The following PHF24 variants were observed in gnomAD, a reference collection of about 807,000 sequenced individuals.
PHF24 encodes the protein Galpha inhibitory interacting protein.
Under a neutral mutation model 42.6 loss-of-function variants are expected in PHF24, and 25 were observed. That is an observed-to-expected ratio of 0.59 (90% CI 0.43 to 0.82). The LOEUF (loss-of-function observed/expected upper bound fraction) is 0.82. PHF24 is among the 40% of genes least tolerant of loss of function. The pLI is 0.00. For synonymous variants in PHF24, 185 were observed against 204.8 expected (o/e 0.90, Z 0.83); for missense variants, 470 against 538.1 (o/e 0.87, Z 1.25).
the PHF24 span, among the ~76,000 whole-genome samples, chr9:34,788,358 T>C: frequency 6.6e-6 from 1 of 152,108 alleles, no homozygotes; most frequent in Non-Finnish European, 1.5e-5. Flanking sequence ...TAACTGTTTT[T>C]AACATTTGCA....
At chr9:34,955,625 C>A (rs879642240), upstream of PHF24, among the ~76,000 whole-genome samples, 1 of 152,116 alleles carries the variant, frequency 6.6e-6, no homozygotes, top group Non-Finnish European at 1.5e-5. Flanking sequence ...TGCAGTGAGC[C>A]GAGATCAAGC....
chr9:34,803,137 G>A, the PHF24 span, among the ~76,000 whole-genome samples: 87 of 152,204 alleles, frequency 5.7e-4, no homozygotes, highest in South Asian at 1.9e-3. Flanking sequence ...TCCAGGCTAC[G>A]AGGCCCCTGG....
chr9:34,716,903 C>T, the PHF24 span, among the ~76,000 whole-genome samples: 1 of 152,148 alleles, frequency 6.6e-6, no homozygotes, highest in African/African-American at 2.4e-5. Flanking sequence ...GTCACTGCAC[C>T]CGGCCTGGTT....
the PHF24 span, among the ~76,000 whole-genome samples, chr9:34,742,379 C>A: frequency 1.3e-5 from 2 of 152,020 alleles, no homozygotes; most frequent in African/African-American, 4.8e-5. Flanking sequence ...GGACTCTGAC[C>A]GTGGCCCAGT....
chr9:34,886,742 A>ATCTGTCTGTCTGTCTGTCTG, the PHF24 span, among the ~76,000 whole-genome samples: 25 of 107,754 alleles, frequency 2.3e-4, no homozygotes, highest in African/African-American at 9.0e-4. Flanking sequence ...TTTTATATCT[A>ATCTGTCTGTCTGTCTGTCTG]TCTATCTATC....
chr9:34,765,059 G>A, the PHF24 span, among the ~76,000 whole-genome samples: 2 of 152,072 alleles, frequency 1.3e-5, no homozygotes, highest in Non-Finnish European at 2.9e-5. Context: ...ACTGTGGTCT[G>A]AGAGACAGTT....
At chr9:34,833,127 C>G in the PHF24 span, 1 of 1,551,546 alleles carries the variant, frequency 6.4e-7, no homozygotes, top group Non-Finnish European at 8.7e-7. Flanking sequence ...TCTCTGTAGT[C>G]CCTGGCTGCT....
chr9:34,666,553 T>TTTTC, the PHF24 span, among the ~76,000 whole-genome samples: 1 of 9,594 alleles, frequency 1.0e-4, no homozygotes, highest in Admixed American at 1.0e-3. Flanking sequence ...CTTCTTGTGA[T>TTTTC]TTTTTTTTTT....
At chr9:34,735,625 C>T in the PHF24 span, among the ~76,000 whole-genome samples, 6,140 of 151,246 alleles carry the variant, frequency 0.041, 411 homozygotes, top group African/African-American at 0.14. Flanking sequence ...ATGGTGAAAC[C>T]CTGTCTCTAC....
At chr9:34,690,460 G>GTGTC in the PHF24 span, 1 of 949,354 alleles carries the variant, frequency 1.1e-6, no homozygotes, top group African/African-American at 1.6e-5. Flanking sequence ...GTGTGTGTGT[G>GTGTC]TGTGTGTGTC....
At chr9:34,863,472 AG>A in the PHF24 span, among the ~76,000 whole-genome samples, 1 of 152,082 alleles carries the variant, frequency 6.6e-6, no homozygotes, top group African/African-American at 2.4e-5. Flanking sequence ...TTTGGGAGAA[AG>A]TAAGGGAAGA....
At chr9:34,665,943 G>A in the PHF24 span, 1 of 524,836 alleles carries the variant, frequency 1.9e-6, no homozygotes, top group South Asian at 2.3e-5. Flanking sequence ...GGAGATTTGG[G>A]GCCCTGGGTG....
chr9:34,708,305 C>G, the PHF24 span, among the ~76,000 whole-genome samples: 1 of 152,102 alleles, frequency 6.6e-6, no homozygotes, highest in Admixed American at 6.5e-5. Context: ...GTCTGGATCC[C>G]AGCCAGGAAA....
the PHF24 span, among the ~76,000 whole-genome samples, chr9:34,946,223 A>G: frequency 6.6e-6 from 1 of 152,234 alleles, no homozygotes; most frequent in African/African-American, 2.4e-5. Context: ...TAACACATGC[A>G]TTCTGTTAGT....
the PHF24 span, among the ~76,000 whole-genome samples, chr9:34,734,749 C>T: frequency 1.3e-5 from 2 of 152,178 alleles, no homozygotes. Context: ...TCCTGAGATT[C>T]AGGGGCACAG....
chr9:34,954,584 C>T (rs1216860200), upstream of PHF24, among the ~76,000 whole-genome samples: 2 of 152,202 alleles, frequency 1.3e-5, no homozygotes, highest in Non-Finnish European at 2.9e-5. Flanking sequence ...TGGTGGCATT[C>T]TGATTTCCCC....
the PHF24 span, among the ~76,000 whole-genome samples, chr9:34,828,294 C>G: frequency 6.6e-6 from 1 of 152,130 alleles, no homozygotes; most frequent in Admixed American, 6.5e-5. Context: ...CCAAAGCCAG[C>G]CCCTTGACTT....
the PHF24 span, among the ~76,000 whole-genome samples, chr9:34,815,434 T>G: frequency 6.6e-6 from 1 of 152,184 alleles, no homozygotes; most frequent in African/African-American, 2.4e-5. Flanking sequence ...ACCATTCTCC[T>G]GCCTCAGCCT....
chr9:34,828,219 C>T, the PHF24 span, among the ~76,000 whole-genome samples: 1 of 152,010 alleles, frequency 6.6e-6, no homozygotes, highest in Non-Finnish European at 1.5e-5. Flanking sequence ...TTTTTCTTCC[C>T]TTATCCACAA....
Sources: allele counts gnomAD v4.1 joint callset (sites outside exome capture counted in the v4.1 genomes callset), GRCh38; gene constraint gnomAD v4.1.1; transcripts MANE v1.5; gene names NCBI Gene and HGNC (gene_info 2026-07-23, HGNC 2026-07-21).